Variants in CNTN5 observed in about 807,000 individuals in gnomAD.
The protein encoded by CNTN5 is contactin 5.
A neutral mutation model predicts 129.1 loss-of-function variants in CNTN5; 77 were observed. The ratio of observed to expected loss-of-function variants is 0.60; its 90% CI spans 0.50 to 0.72. CNTN5 has a LOEUF of 0.72. Among genes scored for constraint, CNTN5 ranks in the 30% least tolerant of loss-of-function variants. The pLI is 0.00. For missense variants in CNTN5, 1,478 were observed against 1,328.8 expected, an observed-to-expected ratio of 1.11 and a Z score of -1.75; for synonymous variants, 509 against 465.6, an observed-to-expected ratio of 1.09 and a Z score of -1.20.
chr11:99,267,195 T>A (rs940367073), intron 1 of CNTN5, among the ~76,000 whole-genome samples: 1 of 152,030 alleles, frequency 6.6e-6, no homozygotes, highest in African/African-American at 2.4e-5. Flanking sequence ...CCTTAATAAG[T>A]CATTGTCTAT....
intron 1 of CNTN5, among the ~76,000 whole-genome samples, chr11:99,317,043 G>A (rs1865372464): frequency 6.6e-6 from 1 of 152,154 alleles, no homozygotes; most frequent in Non-Finnish European, 1.5e-5. Context: ...CACCCTAAGA[G>A]AATAAAGTCT....
At chr11:99,695,972 C>A (rs1341145020) in intron 3 of CNTN5, among the ~76,000 whole-genome samples, 1 of 151,958 alleles carries the variant, frequency 6.6e-6, no homozygotes, top group Non-Finnish European at 1.5e-5. Flanking sequence ...ATATGGTAAG[C>A]ACCATATAGA....
chr11:100,334,562 A>G (rs1951987247), intron 21 of CNTN5, among the ~76,000 whole-genome samples: 1 of 152,142 alleles, frequency 6.6e-6, no homozygotes, highest in South Asian at 2.1e-4. Context: ...GATAAAGAAA[A>G]TGTGGTATAT....
In CNTN5 at chr11:100,255,754, C is replaced by T. The variant is rs538574243; in HGVS notation, c.2006-6C>T. 1.9e-6 allele frequency: 3 copies of T among 1,613,106 alleles called. No individual in the cohort carries two copies. The highest frequency in any genetic ancestry group is 2.5e-6 in the Non-Finnish European group (3 of 1,179,324). ...CTTAACTTTATCCATTGCCTTTGACCTATAGGACCCCCAGGCCCACCTGGG... is the reference window on the plus strand; with the variant it reads ...CTTAACTTTATCCATTGCCTTTGACTTATAGGACCCCCAGGCCCACCTGGG... On this transcript the variant is annotated splice_polypyrimidine_tract_variant and splice_region_variant and intron_variant, in intron 16 of 24. Transcript: ENST00000524871.
At chr11:99,721,739 C>G (rs1448037427) in intron 3 of CNTN5, among the ~76,000 whole-genome samples, 3 of 152,112 alleles carry the variant, frequency 2.0e-5, no homozygotes, top group African/African-American at 7.2e-5. Flanking sequence ...ATGCCTCTGA[C>G]AAAGGTCCAA....
At position 100,312,932 on chromosome 11, in the gene CNTN5, C is replaced by T. The variant is rs145308392; in HGVS notation, c.2730+4464C>T. On this transcript the variant is annotated intron_variant, in intron 21 of 24. Transcript: ENST00000524871. ...ACATTTTTTTTAAAAATCAAGGAAA[C>T]ACATAAGTAATAAGATAAACTCTGA... is the stretch of plus-strand genomic sequence containing the variant. Among the ~76,000 whole-genome samples, 193 of 151,992 alleles carry T rather than the reference C, an allele frequency of 1.3e-3. 1 individual carries two copies. Among genetic ancestry groups the T allele is most frequent in the African/African-American group, 4.1e-3 (170 of 41,476 alleles).
chr11:99,460,854 CA>C (rs1277199698), intron 2 of CNTN5, among the ~76,000 whole-genome samples: 1 of 151,948 alleles, frequency 6.6e-6, no homozygotes, highest in Non-Finnish European at 1.5e-5. Context: ...ATATACCTCC[CA>C]AACGATCCAT....
At chr11:99,502,061 A>T (rs1187781462) in intron 2 of CNTN5, among the ~76,000 whole-genome samples, 1 of 152,176 alleles carries the variant, frequency 6.6e-6, no homozygotes, top group Non-Finnish European at 1.5e-5. Context: ...ACATGTATCT[A>T]ATCTTCGGCC....
chr11:99,623,016 T>A (rs1481566827), intron 3 of CNTN5, among the ~76,000 whole-genome samples: 9 of 152,186 alleles, frequency 5.9e-5, no homozygotes, highest in Admixed American at 4.6e-4. Context: ...CTTCTCTTAC[T>A]CTTGAAAGTA....
intron 1 of CNTN5, among the ~76,000 whole-genome samples, chr11:99,185,705 G>A (rs925374592): frequency 6.6e-6 from 1 of 151,578 alleles, no homozygotes; most frequent in Non-Finnish European, 1.5e-5. Context: ...TTTAAATTTT[G>A]TACTTAGTTG....
intron 18 of CNTN5, among the ~76,000 whole-genome samples, chr11:100,278,111 G>C (rs537802003): frequency 2.0e-4 from 30 of 152,142 alleles, no homozygotes; most frequent in Admixed American, 4.6e-4. Flanking sequence ...TTGGAAATAA[G>C]TTCATTGCAG....
chr11:100,000,471 A>G lies in CNTN5; in HGVS notation c.878-1563A>G, dbSNP rs117400877. Among the ~76,000 whole-genome samples, 904 of 152,326 alleles carry G rather than the reference A, an allele frequency of 5.9e-3. 21 individuals are homozygous for G. Among genetic ancestry groups the G allele is most frequent in the Admixed American group, 0.046 (703 of 15,300 alleles). ...GGCATACGCTCCCAAGGACTTGGGCAGCTCTGCCCCTGTGGTTCTGCAGGG... is the reference window on the plus strand; with the variant it reads ...GGCATACGCTCCCAAGGACTTGGGCGGCTCTGCCCCTGTGGTTCTGCAGGG... On this transcript the variant is annotated intron_variant, in intron 8 of 24. Transcript: ENST00000524871.
At chr11:100,192,956 G>A (rs375222819) in intron 14 of CNTN5, among the ~76,000 whole-genome samples, 51 of 151,916 alleles carry the variant, frequency 3.4e-4, no homozygotes, top group Admixed American at 1.4e-3. Context: ...GCTTTTTGTC[G>A]AGTGTAAAGC....
At chr11:100,299,420 T>C (rs1165415546) in intron 20 of CNTN5, 24 bp downstream of exon 20, 3 of 1,415,508 alleles carry the variant, frequency 2.1e-6, no homozygotes, top group Non-Finnish European at 2.9e-6. Context: ...TTCCTATTAT[T>C]TTTATTTAAC....
At chr11:100,056,288 A>G (rs1943217701) in intron 9 of CNTN5, among the ~76,000 whole-genome samples, 2 of 151,728 alleles carry the variant, frequency 1.3e-5, no homozygotes, top group African/African-American at 2.4e-5. Flanking sequence ...GAACAATTTA[A>G]TAAATTGGAG....
intron 3 of CNTN5, among the ~76,000 whole-genome samples, chr11:99,651,832 C>T (rs139332809): frequency 6.6e-6 from 1 of 151,888 alleles, no homozygotes; most frequent in African/African-American, 2.4e-5. Flanking sequence ...TTTTTACTTA[C>T]CCATATGACT....
At chr11:99,975,269 A>T (rs997307365) in intron 8 of CNTN5, among the ~76,000 whole-genome samples, 3 of 152,138 alleles carry the variant, frequency 2.0e-5, no homozygotes, top group African/African-American at 4.8e-5. Context: ...ACATGGAGTC[A>T]TTGGAGATTA....
intron 1 of CNTN5, among the ~76,000 whole-genome samples, chr11:99,215,571 T>G (rs963565163): frequency 1.3e-5 from 2 of 152,152 alleles, no homozygotes; most frequent in African/African-American, 4.8e-5. Flanking sequence ...TTCTGGGGAA[T>G]AAATTTTGTT....
chr11:99,752,918 A>G (rs2135228679), intron 3 of CNTN5, among the ~76,000 whole-genome samples: 1 of 152,278 alleles, frequency 6.6e-6, no homozygotes, highest in South Asian at 2.1e-4. Flanking sequence ...GTGATTATCC[A>G]AGAAATGAAG....
Sources: gnomAD v4.1 joint callset for allele counts (sites outside exome capture counted in the v4.1 genomes callset) on GRCh38, gnomAD v4.1.1 for gene constraint, MANE v1.5 for transcripts, NCBI Gene and HGNC (gene_info 2026-07-23, HGNC 2026-07-21) for gene names.